RNF169: variants seen among roughly 807,000 people sequenced by gnomAD.
RNF169 encodes E3 ubiquitin-protein ligase RNF169.
RNF169 carries 24 observed loss-of-function variants against 53.9 expected under a neutral mutation model. That is an observed-to-expected ratio of 0.45 (90% CI 0.32 to 0.63). RNF169 has a LOEUF of 0.63. Ranked by LOEUF, RNF169 falls within the 20% of genes least tolerant of loss-of-function variation. The pLI is 0.04. For synonymous variants in RNF169, 396 were observed against 363.5 expected (o/e 1.09, Z -1.02); for missense variants, 883 against 906.2 (o/e 0.97, Z 0.33).
chr11:74,792,726 GGA>G (rs2035595951), intron 2 of RNF169, among the ~76,000 whole-genome samples: 1 of 152,168 alleles, frequency 6.6e-6, no homozygotes, highest in South Asian at 2.1e-4. Flanking sequence ...ATAAACCTTG[GGA>G]GAGAGAAGGA....
At position 74,781,227 on chromosome 11, in the gene RNF169, C is replaced by T. The variant is rs192908352; in HGVS notation, c.503-8399C>T. Among the ~76,000 whole-genome samples, 210 of 152,308 alleles carry T rather than the reference C, an allele frequency of 1.4e-3. 5 individuals carry two copies. Among genetic ancestry groups the T allele is most frequent in the Admixed American group, 0.013 (200 of 15,296 alleles). ...AGCTGTAGAAGCTTTATACTGCAGC[C>T]GTCTTTGAGTCAGCTCATGTCATGT... On this transcript the variant is annotated intron_variant, in intron 1 of 5. Coordinates refer to ENST00000299563, the MANE Select transcript of RNF169 (RefSeq NM_001098638.2).
intron 1 of RNF169, among the ~76,000 whole-genome samples, chr11:74,771,584 G>C (rs1186223468): frequency 6.6e-6 from 1 of 151,990 alleles, no homozygotes; most frequent in African/African-American, 2.4e-5. Context: ...CACACCTATA[G>C]TCCCAGCTAC....
intron 1 of RNF169, among the ~76,000 whole-genome samples, chr11:74,781,880 G>A (rs889889837): frequency 6.6e-6 from 1 of 152,170 alleles, no homozygotes; most frequent in East Asian, 1.9e-4. Flanking sequence ...TCTGTAAAAT[G>A]TGGATAACCA....
At chr11:74,789,067 C>T (rs908643662) in intron 1 of RNF169, among the ~76,000 whole-genome samples, 2 of 152,196 alleles carry the variant, frequency 1.3e-5, no homozygotes, top group African/African-American at 4.8e-5. Flanking sequence ...ATAATACCTA[C>T]CTTATCAAGT....
intron 1 of RNF169, among the ~76,000 whole-genome samples, chr11:74,781,730 G>A (rs2035419231): frequency 6.6e-6 from 1 of 152,134 alleles, no homozygotes; most frequent in African/African-American, 2.4e-5. Context: ...GGGTTGTTAG[G>A]CTCATACATA....
chr11:74,814,306 G>C (rs889626806), intron 3 of RNF169, among the ~76,000 whole-genome samples: 2 of 151,364 alleles, frequency 1.3e-5, no homozygotes, highest in African/African-American at 4.9e-5. Context: ...CTCCAGCCTG[G>C]GTGACAGAGT....
Position 74,800,254 on chromosome 11 carries a change from A to G in RNF169, c.577-9930A>G, listed in dbSNP as rs1418397872. Among the ~76,000 whole-genome samples the G allele has an allele frequency of 7.9e-5, 12 of 152,244 alleles. No individual in the cohort carries two copies. The East Asian group carries it at 1.9e-3, about 24-fold the overall frequency. The stretch of plus-strand genomic sequence containing the variant: ...TTCCTCTAAAATTGCAAACTTGGTT[A>G]TATTTTTCCAGATTCAAATCAGGGT... On this transcript the variant is annotated intron_variant, in intron 2 of 5. Coordinates refer to ENST00000299563, the MANE Select transcript of RNF169 (RefSeq NM_001098638.2).
chr11:74,820,905 G>C (rs2036000611), intron 4 of RNF169, among the ~76,000 whole-genome samples: 1 of 146,540 alleles, frequency 6.8e-6, no homozygotes, highest in Admixed American at 6.9e-5. Flanking sequence ...GCCATGTTGA[G>C]TTCTTAGCAT....
chr11:74,796,319 A>G (rs894595934), intron 2 of RNF169, among the ~76,000 whole-genome samples: 6 of 152,204 alleles, frequency 3.9e-5, no homozygotes, highest in African/African-American at 1.4e-4. Context: ...ATACATCTTA[A>G]TGGAAAGGAT....
intron 4 of RNF169, among the ~76,000 whole-genome samples, chr11:74,824,278 A>G (rs2036060710): frequency 6.6e-6 from 1 of 152,206 alleles, no homozygotes; most frequent in South Asian, 2.1e-4. Context: ...AACAGGCAGA[A>G]TAATTAGCTA....
intron 2 of RNF169, among the ~76,000 whole-genome samples, chr11:74,803,671 G>A (rs1332111812): frequency 6.6e-6 from 1 of 152,130 alleles, no homozygotes; most frequent in African/African-American, 2.4e-5. Flanking sequence ...TTGTTAACAA[G>A]CATAACAGAT....
intron 2 of RNF169, among the ~76,000 whole-genome samples, chr11:74,802,021 T>C (rs1330660123): frequency 6.6e-6 from 1 of 152,194 alleles, no homozygotes; most frequent in African/African-American, 2.4e-5. Context: ...TGTTACCTCT[T>C]GTCAGGAGAA....
chr11:74,794,333 G>C lies in RNF169; in HGVS notation c.576+4634G>C, dbSNP rs185920750. Among the ~76,000 whole-genome samples the C allele has an allele frequency of 7.2e-5, 11 of 152,310 alleles. No individual in the cohort carries two copies. In the East Asian group the frequency reaches 1.9e-3, roughly 27 times the overall value. ...TGCACTTGGAGGTGTATACAAGGAA[G>C]TTGTTACAGTTTTGGATGATGGATC... is the stretch of plus-strand genomic sequence containing the variant. On this transcript the variant is annotated intron_variant, in intron 2 of 5. Coordinates refer to ENST00000299563, the MANE Select transcript of RNF169 (RefSeq NM_001098638.2).
chr11:74,771,165 T>TA (rs1268437647), intron 1 of RNF169, among the ~76,000 whole-genome samples: 5 of 152,138 alleles, frequency 3.3e-5, no homozygotes, highest in African/African-American at 1.2e-4. Flanking sequence ...GTTGGGGAAA[T>TA]ACTAGTTGTA....
intron 2 of RNF169, among the ~76,000 whole-genome samples, chr11:74,798,116 T>C (rs2035675439): frequency 1.3e-5 from 2 of 152,250 alleles, no homozygotes; most frequent in South Asian, 4.1e-4. Flanking sequence ...TTGTAGAGCA[T>C]GTGTGTTTAA....
intron 1 of RNF169, among the ~76,000 whole-genome samples, chr11:74,758,282 C>G (rs2035017483): frequency 7.0e-6 from 1 of 141,908 alleles, no homozygotes; most frequent in South Asian, 2.3e-4. Flanking sequence ...TTGTTTTTCT[C>G]AGGTTTGTCA....
chr11:74,836,873 T>A lies in RNF169; in HGVS notation c.*143T>A. The A allele has an allele frequency of 1.5e-6, 1 of 652,938 alleles. No individual in the cohort carries two copies. Among genetic ancestry groups the A allele is most frequent in the Non-Finnish European group, 2.5e-6 (1 of 393,644 alleles). The allele number at this position is 652,938 out of a possible 1,614,324, so 40.4% of individuals were successfully genotyped here. On this transcript the variant is annotated 3_prime_UTR_variant, in exon 6 of 6. Transcript: ENST00000299563. ...CTGAGAGGTTCCAGGGCCTTTGTAG[T>A]CAATATCCAAGGGAAAAGCATCTCC...
intron 4 of RNF169, among the ~76,000 whole-genome samples, chr11:74,828,026 A>G (rs1253464259): frequency 6.6e-6 from 1 of 152,204 alleles, no homozygotes; most frequent in African/African-American, 2.4e-5. Flanking sequence ...TCAAATAGGA[A>G]GAGAGGAACT....
intron 1 of RNF169, among the ~76,000 whole-genome samples, chr11:74,758,794 G>A (rs111994864): frequency 0.024 from 3,610 of 152,204 alleles, 121 homozygotes; most frequent in African/African-American, 0.083. Context: ...GTGAGCCACC[G>A]CGCCCGGCCG....
Sources: allele counts gnomAD v4.1 joint callset (sites outside exome capture counted in the v4.1 genomes callset), GRCh38; gene constraint gnomAD v4.1.1; transcripts MANE v1.5; gene names NCBI Gene and HGNC (gene_info 2026-07-23, HGNC 2026-07-21).